Variants in SLAIN1 observed in about 807,000 individuals in gnomAD.
The protein encoded by SLAIN1 is SLAIN family member 1.
A neutral mutation model predicts 55.4 loss-of-function variants in SLAIN1; 17 were observed. That is an observed-to-expected ratio of 0.31 (90% confidence interval 0.21 to 0.46). The LOEUF (loss-of-function observed/expected upper bound fraction) is 0.46, where lower values mean the gene tolerates loss of function less well. SLAIN1 is among the 20% of genes least tolerant of loss of function. The pLI, the probability that SLAIN1 is intolerant of heterozygous loss-of-function variation, is 1.00. For synonymous variants in SLAIN1, 348 were observed against 337.4 expected (o/e 1.03, Z -0.35); for missense variants, 682 against 785.1 (o/e 0.87, Z 1.57).
Position 77,746,688 on chromosome 13 carries a change from G to A in SLAIN1, c.1091G>A (p.Cys364Tyr). ...CCACCTCAGCCTCGTCTTCCAAGAT[G>A]TTCCCCTTTCCAAAGAGGAATTCCC... ...LPPPQPRLPR[C>Y]SPFQRGIPHS... is the part of the protein sequence containing the mutation. The change falls in exon 4 of 7, where the codon TGT (cysteine) becomes TAT (tyrosine). Residue 364 changes from cysteine (C) to tyrosine (Y), a missense_variant. Cys to Tyr is a radical substitution (Grantham distance 194). Around this residue, in one of 3 missense-constraint regions of SLAIN1, gnomAD observed 244 missense variants for 295.2 expected, o/e 0.83. Transcript: ENST00000418532. 1.9e-6 allele frequency: 3 copies of A among 1,613,798 alleles called. No homozygotes were observed. The highest frequency in any genetic ancestry group is 8.5e-7 in the Non-Finnish European group (1 of 1,179,798).
At chr13:77,704,311 A>G (rs1307604402) in intron 1 of SLAIN1, among the ~76,000 whole-genome samples, 6 of 140,728 alleles carry the variant, frequency 4.3e-5, no homozygotes, top group African/African-American at 1.0e-4. Flanking sequence ...ATATATACAT[A>G]GAAACTGTAT....
intron 1 of SLAIN1, among the ~76,000 whole-genome samples, chr13:77,716,609 A>T (rs1566225260): frequency 6.6e-6 from 1 of 152,172 alleles, no homozygotes; most frequent in Non-Finnish European, 1.5e-5. Flanking sequence ...ATCCTTAAGC[A>T]TCTGATGGTT....
At chr13:77,710,359 G>T (rs763008036) in intron 1 of SLAIN1, among the ~76,000 whole-genome samples, 1 of 151,876 alleles carries the variant, frequency 6.6e-6, no homozygotes, top group Non-Finnish European at 1.5e-5. Flanking sequence ...GCACATATAG[G>T]CTCAAAATAA....
Position 77,754,304 on chromosome 13 carries a change from A to G in SLAIN1, c.1414+946A>G, listed in dbSNP as rs371060613. Among the ~76,000 whole-genome samples, 14 of 152,340 alleles carry G rather than the reference A, an allele frequency of 9.2e-5. 1 individual carries two copies. The highest frequency in any genetic ancestry group is 8.5e-4 in the Admixed American group (13 of 15,296). On this transcript the variant is annotated intron_variant, in intron 5 of 6. Transcript: ENST00000418532. ...ATTTCTTTATGTTTTAGTTCCTAAC[A>G]ACCAAGTGACATCATTTACTCTGTA...
intron 2 of SLAIN1, among the ~76,000 whole-genome samples, chr13:77,720,782 G>A (rs928349450): frequency 9.2e-5 from 14 of 152,170 alleles, no homozygotes; most frequent in African/African-American, 2.7e-4. Context: ...CTGTACTGCC[G>A]TATTGGCATG....
At position 77,760,833 on chromosome 13, in the gene SLAIN1, T is replaced by A; in HGVS notation, c.1420T>A (p.Ser474Thr). The change falls in exon 6 of 7, where the codon TCA (serine) becomes ACA (threonine). Residue 474 changes from serine (S) to threonine (T), a missense_variant. By Grantham distance (58) the Ser-to-Thr change is moderately conservative. Transcript: ENST00000418532. ...AATATCATTTTCTCTTCTAGTTCCA[T>A]CACCGGGACAGCTTCAACACAGGGT... Reference protein sequence around the residue: ...GISRIQSCIPSPGQLQHRVHS... With the variant: ...GISRIQSCIPTPGQLQHRVHS... The A allele has an allele frequency of 1.2e-6, 2 of 1,612,944 alleles. No homozygotes were observed. The highest frequency in any genetic ancestry group is 8.5e-7 in the Non-Finnish European group (1 of 1,179,446).
intron 6 of SLAIN1, among the ~76,000 whole-genome samples, 153 bp from the exon 7 acceptor site, chr13:77,762,992 G>A (rs576270336): frequency 1.3e-5 from 2 of 152,178 alleles, no homozygotes; most frequent in African/African-American, 2.4e-5. Flanking sequence ...GTGAAGACCC[G>A]TAAGTGTGAA....
intron 2 of SLAIN1, among the ~76,000 whole-genome samples, chr13:77,726,296 C>A (rs2154409867): frequency 6.6e-6 from 1 of 152,150 alleles, no homozygotes; most frequent in East Asian, 1.9e-4. Flanking sequence ...CACAATTTTG[C>A]AAATGGTTAA....
intron 2 of SLAIN1, among the ~76,000 whole-genome samples, chr13:77,731,695 C>G (rs1872869219): frequency 6.6e-6 from 1 of 151,964 alleles, no homozygotes; most frequent in South Asian, 2.1e-4. Flanking sequence ...ATAGCTATCC[C>G]AATCACAGCT....
intron 1 of SLAIN1, chr13:77,699,302 CTG>C: frequency 3.6e-6 from 1 of 281,486 alleles, no homozygotes; most frequent in Non-Finnish European, 6.7e-6. Flanking sequence ...TTAAATTAAA[CTG>C]TAGAAGAAAA....
intron 1 of SLAIN1, among the ~76,000 whole-genome samples, chr13:77,699,855 G>A (rs963699702): frequency 7.4e-6 from 1 of 135,438 alleles, no homozygotes; most frequent in African/African-American, 3.1e-5. Context: ...CCTTATTTCT[G>A]TAAAGTAATC....
chr13:77,751,940 TC>T (rs1179347788), intron 4 of SLAIN1, among the ~76,000 whole-genome samples: 1 of 152,104 alleles, frequency 6.6e-6, no homozygotes, highest in Non-Finnish European at 1.5e-5. Context: ...TGTGTATTGA[TC>T]AAGGAAAAAG....
At chr13:77,700,551 G>T (rs1260972197) in intron 1 of SLAIN1, among the ~76,000 whole-genome samples, 1 of 152,148 alleles carries the variant, frequency 6.6e-6, no homozygotes, top group Non-Finnish European at 1.5e-5. Flanking sequence ...TACATTTTAT[G>T]CATCAAGATT....
chr13:77,734,659 A>G lies in SLAIN1; in HGVS notation c.767-9624A>G, dbSNP rs9565365. ...AGGTTACACTTCTTTAGAATCAGGA[A>G]AAGTGAAAAGTAGAAAACTCCTACA... On this transcript the variant is annotated intron_variant, in intron 2 of 6. Coordinates refer to ENST00000418532, the MANE Select transcript of SLAIN1 (RefSeq NM_001242868.2). 0.014 allele frequency among the ~76,000 whole-genome samples: 2,178 copies of G among 152,260 alleles called. 104 individuals carry two copies. In the East Asian group the frequency reaches 0.19, roughly 13 times the overall value.
chr13:77,697,805 G>T lies in SLAIN1; in HGVS notation c.-109G>T, dbSNP rs2090988426. 8.9e-7 allele frequency: 1 copy of T among 1,124,088 alleles called. No homozygotes were observed. Among genetic ancestry groups the T allele is most frequent in the South Asian group, 4.0e-5 (1 of 24,782 alleles). The allele number at this position is 1,124,088 out of a possible 1,614,324, so 69.6% of individuals were successfully genotyped here. On this transcript the variant is annotated 5_prime_UTR_variant, in exon 1 of 7. Transcript: ENST00000418532. ...GCTCGGCCTCAGCCCGCGCGTGGTC[G>T]GCCCCCCAGGCCGGGGCGACAGGGA...
Position 77,763,308 on chromosome 13 carries a change from A to T in SLAIN1, c.*88A>T. The T allele has an allele frequency of 1.0e-6, 1 of 991,384 alleles. No homozygotes were observed. The highest frequency in any genetic ancestry group is 1.6e-6 in the Non-Finnish European group (1 of 632,362). The allele number at this position is 991,384 out of a possible 1,614,324, so 61.4% of individuals were successfully genotyped here. On this transcript the variant is annotated 3_prime_UTR_variant, in exon 7 of 7. Coordinates refer to ENST00000418532, the MANE Select transcript of SLAIN1 (RefSeq NM_001242868.2). ...TGGCTGGGTAGCAGTGGATGTTGGG[A>T]TATTCTTTCCCTTTTGTGTTTTAAT...
chr13:77,734,545 G>A (rs1011782181), intron 2 of SLAIN1, among the ~76,000 whole-genome samples: 8 of 152,246 alleles, frequency 5.3e-5, no homozygotes, highest in Middle Eastern at 3.4e-3. Flanking sequence ...TTTTGCTTCT[G>A]AGTTGGTAAC....
rs187903376 is a variant in SLAIN1, at chr13:77,703,026, C to T, written c.626+4487C>T. 4.6e-5 allele frequency among the ~76,000 whole-genome samples: 7 copies of T among 152,114 alleles called. No individual in the cohort carries two copies. The East Asian group carries it at 1.4e-3, about 29-fold the overall frequency. ...TGAAGGGAAGTTAGGTCTTGCACAC[C>T]TCAACCAGGAAGATGGTTCTATATG... is the stretch of plus-strand genomic sequence containing the variant. On this transcript the variant is annotated intron_variant, in intron 1 of 6. Transcript: ENST00000418532.
At chr13:77,725,989 C>T (rs2091303889) in intron 2 of SLAIN1, among the ~76,000 whole-genome samples, 2 of 152,166 alleles carry the variant, frequency 1.3e-5, no homozygotes, top group African/African-American at 4.8e-5. Context: ...TTCTTGCTGC[C>T]TACATTTGTG....
Sources: gnomAD v4.1 joint callset for allele counts (sites outside exome capture counted in the v4.1 genomes callset) on GRCh38, gnomAD v4.1.1 for gene constraint, gnomAD v4.1.1 regional missense constraint, MANE v1.5 for transcripts, NCBI Gene and HGNC (gene_info 2026-07-23, HGNC 2026-07-21) for gene names.